Variants in PTPRG observed in about 807,000 individuals in gnomAD.
The protein encoded by PTPRG is protein tyrosine phosphatase receptor type G, also known as receptor-type tyrosine-protein phosphatase gamma.
In PTPRG, 102 loss-of-function variants were observed where a neutral mutation model predicts 165.3. The observed-to-expected ratio is 0.62, with a 90% CI of 0.53 to 0.73. The LOEUF is 0.73. PTPRG is among the 30% of genes least tolerant of loss of function. The probability of loss-of-function intolerance (pLI) is 0.00; values close to 1 mark genes in which losing one functional copy is unlikely to be tolerated. For missense variants in PTPRG, 1,866 were observed against 1,861.4 expected (o/e 1.00, Z -0.05); for synonymous variants, 675 against 669.5 (o/e 1.01, Z -0.13).
Position 62,252,318 on chromosome 3 carries a change from G to T in PTPRG, c.2468-2806G>T. ...TGCTCAGAAACGGCTTCATCCAGGGGTTTCCCATTCTCTCTGAGTCGGAGC... is the reference window on the plus strand; with the variant it reads ...TGCTCAGAAACGGCTTCATCCAGGGTTTTCCCATTCTCTCTGAGTCGGAGC... On this transcript the variant is annotated intron_variant, in intron 15 of 29. Coordinates refer to ENST00000474889, the MANE Select transcript of PTPRG (RefSeq NM_002841.4). The surrounding 1 kb of genome is among the most constrained non-coding windows in gnomAD (Gnocchi z 4.6). 6.6e-6 allele frequency among the ~76,000 whole-genome samples: 1 copy of T among 152,116 alleles called. No individual in the cohort carries two copies. Among genetic ancestry groups the T allele is most frequent in the East Asian group, 1.9e-4 (1 of 5,198 alleles).
intron 1 of PTPRG, among the ~76,000 whole-genome samples, chr3:61,727,301 T>G (rs920258234): frequency 6.6e-6 from 1 of 152,000 alleles, no homozygotes; most frequent in East Asian, 1.9e-4. Context: ...TTATAGATGC[T>G]TGCCACCACA....
intron 2 of PTPRG, among the ~76,000 whole-genome samples, chr3:61,809,172 G>A (rs1426862480): frequency 1.3e-5 from 2 of 150,808 alleles, no homozygotes; most frequent in African/African-American, 2.4e-5. Context: ...CGGTGGGGGA[G>A]GTTAGTGGGG....
intron 4 of PTPRG, among the ~76,000 whole-genome samples, chr3:62,030,781 A>C (rs969405455): frequency 6.6e-6 from 1 of 152,216 alleles, no homozygotes; most frequent in African/African-American, 2.4e-5. Flanking sequence ...TTAATTGTTC[A>C]AAAAACTGAA....
chr3:61,905,473 T>C (rs1360987055), intron 2 of PTPRG, among the ~76,000 whole-genome samples: 1 of 152,214 alleles, frequency 6.6e-6, no homozygotes, highest in Non-Finnish European at 1.5e-5. Context: ...CTTTCAAAAC[T>C]TCATGTGCTG....
intron 5 of PTPRG, among the ~76,000 whole-genome samples, chr3:62,089,202 A>G (rs1701850283): frequency 6.6e-6 from 1 of 152,248 alleles, no homozygotes; most frequent in African/African-American, 2.4e-5. Flanking sequence ...CCCAAAGCAG[A>G]TATCATGTAC....
At chr3:61,706,638 C>T (rs189239812) in intron 1 of PTPRG, among the ~76,000 whole-genome samples, 144 of 151,866 alleles carry the variant, frequency 9.5e-4, no homozygotes, top group African/African-American at 3.1e-3. Flanking sequence ...GAATTACAGG[C>T]GCTACCACGC....
chr3:61,911,943 C>A (rs2107542021), intron 2 of PTPRG, among the ~76,000 whole-genome samples: 1 of 152,242 alleles, frequency 6.6e-6, no homozygotes, highest in African/African-American at 2.4e-5. Context: ...TCTTTCACTC[C>A]TGGTAAATCT....
At chr3:61,860,483 C>T (rs1355194093) in intron 2 of PTPRG, among the ~76,000 whole-genome samples, 1 of 139,902 alleles carries the variant, frequency 7.1e-6, no homozygotes, top group Non-Finnish European at 1.5e-5. Flanking sequence ...CTTTGTTGCC[C>T]AGGCTGGAGT....
Position 61,714,742 on chromosome 3 carries a change from C to T in PTPRG, c.86-34136C>T, listed in dbSNP as rs149073717. 5.5e-3 allele frequency among the ~76,000 whole-genome samples: 838 copies of T among 152,212 alleles called. 10 individuals carry two copies. Among genetic ancestry groups the T allele is most frequent in the African/African-American group, 0.018 (767 of 41,526 alleles). On this transcript the variant is annotated intron_variant, in intron 1 of 29. Transcript: ENST00000474889. Reference sequence around the variant, plus strand: ...TGCCTTTCTGTCATTTGTTCAGAGGCGCCACGTGAGCCTTGATACTGTGAA... The same window carrying T: ...TGCCTTTCTGTCATTTGTTCAGAGGTGCCACGTGAGCCTTGATACTGTGAA...
intron 2 of PTPRG, among the ~76,000 whole-genome samples, chr3:61,762,353 G>A (rs537033444): frequency 1.4e-4 from 21 of 152,262 alleles, no homozygotes; most frequent in Non-Finnish European, 2.4e-4. Context: ...GGCTGGGCAT[G>A]GCGGCTCATG....
At chr3:61,840,521 T>A (rs2036594529) in intron 2 of PTPRG, among the ~76,000 whole-genome samples, 1 of 152,190 alleles carries the variant, frequency 6.6e-6, no homozygotes, top group African/African-American at 2.4e-5. Context: ...ATTTGGGTTT[T>A]ATTACAAATG....
intron 1 of PTPRG, among the ~76,000 whole-genome samples, chr3:61,673,859 A>G (rs1378426884): frequency 6.6e-6 from 1 of 152,198 alleles, no homozygotes; most frequent in Non-Finnish European, 1.5e-5. Flanking sequence ...GGCTTTGTCC[A>G]TAAAAACGTG....
chr3:61,945,056 A>T (rs1241844833), intron 2 of PTPRG, among the ~76,000 whole-genome samples: 3 of 152,098 alleles, frequency 2.0e-5, no homozygotes, highest in Admixed American at 6.6e-5. Context: ...TCTTTTCTCC[A>T]CTCTGCTCTT....
At chr3:61,859,441 C>A (rs2037199205) in intron 2 of PTPRG, among the ~76,000 whole-genome samples, 1 of 152,058 alleles carries the variant, frequency 6.6e-6, no homozygotes, top group Non-Finnish European at 1.5e-5. Flanking sequence ...GGAATATCAC[C>A]ACAAGGGAAA....
chr3:62,215,257 G>C (rs1700468219), intron 12 of PTPRG, among the ~76,000 whole-genome samples: 5 of 152,180 alleles, frequency 3.3e-5, no homozygotes, highest in Admixed American at 3.3e-4. Flanking sequence ...CCAGGTTCCT[G>C]GCACCAGGAA....
At chr3:62,085,635 G>A (rs1001596520) in intron 5 of PTPRG, among the ~76,000 whole-genome samples, 2 of 152,118 alleles carry the variant, frequency 1.3e-5, no homozygotes, top group Non-Finnish European at 2.9e-5. Flanking sequence ...TAGCTTCTGT[G>A]TGTTTTAGTT....
chr3:61,619,256 C>T (rs1366529195), intron 1 of PTPRG, among the ~76,000 whole-genome samples: 1 of 152,120 alleles, frequency 6.6e-6, no homozygotes, highest in Non-Finnish European at 1.5e-5. Context: ...ATGGGCTTGA[C>T]AGTCTGGGCT....
chr3:62,080,082 T>TTTTTA (rs1701515440), intron 5 of PTPRG, among the ~76,000 whole-genome samples: 1 of 149,682 alleles, frequency 6.7e-6, no homozygotes, highest in Non-Finnish European at 1.5e-5. Context: ...TTTTTTTTTT[T>TTTTTA]GAGATGGAGT....
At chr3:61,611,639 G>A (rs1415901829) in intron 1 of PTPRG, among the ~76,000 whole-genome samples, 3 of 152,090 alleles carry the variant, frequency 2.0e-5, no homozygotes, top group African/African-American at 7.2e-5. Flanking sequence ...AGGGGTTGGC[G>A]AACATTTTCT....
Sources: gnomAD v4.1 joint callset for allele counts (sites outside exome capture counted in the v4.1 genomes callset) on GRCh38, gnomAD v4.1.1 for gene constraint, Gnocchi (gnomAD v3.1) non-coding constraint, MANE v1.5 for transcripts, NCBI Gene and HGNC (gene_info 2026-07-23, HGNC 2026-07-21) for gene names.